The following ANKRD35 variants were observed in gnomAD, a reference collection of about 807,000 sequenced individuals.
ANKRD35 encodes ankyrin repeat domain-containing protein 35.
ANKRD35 carries 102 observed loss-of-function variants against 109.9 expected under a neutral mutation model. The ratio of observed to expected loss-of-function variants is 0.93; its 90% CI spans 0.79 to 1.09. The LOEUF is 1.09. Ranked by LOEUF, ANKRD35 falls within the 50% of genes least tolerant of loss-of-function variation. The pLI, the probability that ANKRD35 is intolerant of heterozygous loss-of-function variation, is 0.00. For missense variants in ANKRD35, 1,240 were observed against 1,230.1 expected (o/e 1.01, Z -0.12); for synonymous variants, 515 against 512.4 (o/e 1.01, Z -0.07).
At chr1:145,868,267 G>A (rs1653677479) in intron 11 of ANKRD35, 44 bp downstream of exon 11, 3 of 1,590,102 alleles carry the variant, frequency 1.9e-6, no homozygotes, top group Middle Eastern at 1.7e-4. Flanking sequence ...CACTTCCACT[G>A]CTGACCTTCT....
chr1:145,867,445 A>C (rs587674708), intron 12 of ANKRD35, 53 bp from the exon 13 acceptor site: 1 of 1,518,324 alleles, frequency 6.6e-7, no homozygotes, highest in East Asian at 2.3e-5. Context: ...AAATGGAGAG[A>C]GAGAGGTGAG....
At position 145,867,933 on chromosome 1, in the gene ANKRD35, G is replaced by A. The variant is rs1653666587; in HGVS notation, c.2943+58C>T. On this transcript the variant is annotated intron_variant, in intron 12 of 13. Transcript: ENST00000355594. The stretch of plus-strand genomic sequence containing the variant: ...TGGAGAAGAGAGAGGGACCCTAAAT[G>A]CAATACCCTATACTCAGCTTTATGT... 5 of 1,543,300 alleles carry A rather than the reference G, an allele frequency of 3.2e-6. No homozygotes were observed. In the East Asian group the frequency reaches 1.1e-4, roughly 35 times the overall value.
At chr1:145,880,512 A>C (rs1010608436) in intron 1 of ANKRD35, among the ~76,000 whole-genome samples, 3 of 152,216 alleles carry the variant, frequency 2.0e-5, no homozygotes, top group Non-Finnish European at 4.4e-5. Flanking sequence ...TGCTGTGACT[A>C]TTAAACAAGC....
intron 12 of ANKRD35, 127 bp from the exon 13 acceptor site, chr1:145,867,519 A>C (rs1653652437): frequency 2.7e-6 from 2 of 736,264 alleles, no homozygotes; most frequent in African/African-American, 1.8e-5. Context: ...TATAGTATTT[A>C]ACTTCTCCAT....
chr1:145,881,949 CTTT>C (rs782253954), intron 1 of ANKRD35, among the ~76,000 whole-genome samples: 1,822 of 104,486 alleles, frequency 0.017, 22 homozygotes, highest in African/African-American at 0.059. Flanking sequence ...CTTTCCCCTT[CTTT>C]TTTTTTTTTT....
intron 1 of ANKRD35, among the ~76,000 whole-genome samples, chr1:145,882,125 T>C (rs1255588986): frequency 6.6e-6 from 1 of 151,184 alleles, no homozygotes; most frequent in Admixed American, 6.6e-5. Flanking sequence ...CGGATAATTT[T>C]TTGTATTTTT....
rs1553738936 is a variant in ANKRD35 at position 145,872,465 on chromosome 1, G to T, written c.2304C>A (p.Gly768=). 6.2e-7 allele frequency: 1 copy of T among 1,602,808 alleles called. No individual in the cohort carries two copies. Among genetic ancestry groups the T allele is most frequent in the South Asian group, 1.1e-5 (1 of 89,506 alleles). The change falls in exon 10 of 14, where the codon GGC becomes GGA. Residue 768 remains glycine, a synonymous_variant. Coordinates refer to ENST00000355594, the MANE Select transcript of ANKRD35 (RefSeq NM_144698.5). ...RGSLSPCREP[G]TSLKAPASPQ... ...GGGATGCTGGGGCCTTTAAGGAGGT[G>T]CCTGGCTCCCTACACGGGGACAAGG...
At position 145,872,335 on chromosome 1, in the gene ANKRD35, G is replaced by A. The variant is rs1653860565; in HGVS notation, c.2434C>T (p.Gln812Ter). The A allele has an allele frequency of 6.2e-7, 1 of 1,612,908 alleles. No homozygotes were observed. The highest frequency in any genetic ancestry group is 1.3e-5 in the African/African-American group (1 of 75,038). The change falls in exon 10 of 14, where the codon CAG becomes TAG. Residue 812 changes from glutamine (Q) to a stop codon, truncating the protein, a stop_gained. Transcript: ENST00000355594. LOFTEE classifies it high-confidence loss of function. ...GKSQEIGKLK[Q>*]LLYQATEEVA... ...TCCTCTGTGGCTTGGTAGAGCAGCTGCTTCAGCTTTCCGATCTCCTGGCTC... is the reference window on the plus strand; with the variant it reads ...TCCTCTGTGGCTTGGTAGAGCAGCTACTTCAGCTTTCCGATCTCCTGGCTC...
At chr1:145,868,079 A>AGTCACAT (rs782465493) in intron 11 of ANKRD35, 23 bp from the exon 12 acceptor site, 1 of 1,611,512 alleles carries the variant, frequency 6.2e-7, no homozygotes, top group Admixed American at 1.7e-5. Flanking sequence ...ATCAATGGGA[A>AGTCACAT]GTCACATGTC....
rs1432967329 is a variant in ANKRD35 at position 145,872,692 on chromosome 1, G to A, written c.2077C>T (p.Leu693Phe). The A allele has an allele frequency of 2.5e-6, 4 of 1,614,030 alleles. No individual in the cohort carries two copies. The highest frequency in any genetic ancestry group is 3.4e-6 in the Non-Finnish European group (4 of 1,180,030). The stretch of plus-strand genomic sequence containing the variant: ...AGACCGCTGCTCTGGGAGGCCAGGA[G>A]CTTCCGCAGCTTCTCTGTGGCCTCC... ...EKEATEKLRK[L>F]LASQSSGLRG... The change falls in exon 10 of 14, where the codon CTC becomes TTC. Residue 693 changes from leucine to phenylalanine, a missense_variant. Transcript: ENST00000355594.
intron 4 of ANKRD35, among the ~76,000 whole-genome samples, chr1:145,877,349 C>A (rs782053284): frequency 2.6e-5 from 4 of 151,732 alleles, no homozygotes; most frequent in Non-Finnish European, 5.9e-5. Flanking sequence ...TCTCCTGCCT[C>A]AGCCTCCCGA....
chr1:145,873,042 C>A lies in ANKRD35; in HGVS notation c.1727G>T (p.Gly576Val). The part of the protein sequence containing the change: ...SREGALKAAP[G>V]SIKQDEEKEK... The stretch of plus-strand genomic sequence containing the variant: ...CTTCTCTTCATCCTGTTTGATGCTC[C>A]CTGGGGCTGCCTTTAGGGCTCCCTC... Residue 576 changes from glycine (G) to valine (V), a missense_variant, in exon 10 of 14, where the codon GGG becomes GTG. By Grantham distance (109) the Gly-to-Val change is moderately radical. Coordinates refer to ENST00000355594, the MANE Select transcript of ANKRD35 (RefSeq NM_144698.5). 1 of 1,611,740 alleles carries A rather than the reference C, an allele frequency of 6.2e-7. No individual in the cohort carries two copies.
chr1:145,867,297 C>T lies in ANKRD35; in HGVS notation c.*33G>A. ...TAACCCACAACTCACAACAGAGAATCTCGTATCCCTGAGGGCACACAGTGA... is the reference window on the plus strand; with the variant it reads ...TAACCCACAACTCACAACAGAGAATTTCGTATCCCTGAGGGCACACAGTGA... On this transcript the variant is annotated 3_prime_UTR_variant, in exon 13 of 14. Coordinates refer to ENST00000355594, the MANE Select transcript of ANKRD35 (RefSeq NM_144698.5). The T allele has an allele frequency of 6.2e-7, 1 of 1,603,952 alleles. No individual in the cohort carries two copies. The highest frequency in any genetic ancestry group is 8.5e-7 in the Non-Finnish European group (1 of 1,171,018).
At chr1:145,875,040 C>G (rs782360776) in intron 7 of ANKRD35, 34 bp from the exon 8 acceptor site, 1 of 1,546,082 alleles carries the variant, frequency 6.5e-7, no homozygotes, top group Non-Finnish European at 8.7e-7. Context: ...CACAGACTTT[C>G]CACATGGAAC....
chr1:145,867,698 C>T (rs773200042), intron 12 of ANKRD35, among the ~76,000 whole-genome samples: 12 of 152,098 alleles, frequency 7.9e-5, no homozygotes, highest in Non-Finnish European at 1.8e-4. Context: ...CCTCTTCTTC[C>T]TTGTTTAGGA....
chr1:145,876,457 G>A lies in ANKRD35; in HGVS notation c.453+112C>T. The A allele has an allele frequency of 1.5e-6, 2 of 1,299,300 alleles. 1 individual carries two copies. Among genetic ancestry groups the A allele is most frequent in the South Asian group, 2.5e-5 (2 of 80,470 alleles). 80.5% of individuals were successfully genotyped at this position (1,299,300 alleles called of 1,614,324 possible). On this transcript the variant is annotated intron_variant, in intron 6 of 13. Coordinates refer to ENST00000355594, the MANE Select transcript of ANKRD35 (RefSeq NM_144698.5). ...AGAGGAGAAGCAGGAGGAGAAGGAAGAGAAGGGTGGTGCTAACACAGCCCT... is the reference window on the plus strand; with the variant it reads ...AGAGGAGAAGCAGGAGGAGAAGGAAAAGAAGGGTGGTGCTAACACAGCCCT...
In ANKRD35 at chr1:145,872,192, C is replaced by G; in HGVS notation, c.2577G>C (p.Lys859Asn). Residue 859 changes from lysine to asparagine, a missense_variant, in exon 10 of 14, where the codon AAG becomes AAC. Lys to Asn is a moderately conservative substitution (Grantham distance 94, BLOSUM62 0). Coordinates refer to ENST00000355594, the MANE Select transcript of ANKRD35 (RefSeq NM_144698.5). ...CCACTTCCCGGCAGGCCGTATTATA[C>G]TTTTCCAACAGAGCCTTTAGCTCCT... ...WGQELKALLEKYNTACREVGR... is the reference protein window; with the variant it reads ...WGQELKALLENYNTACREVGR... 6.2e-7 allele frequency: 1 copy of G among 1,610,100 alleles called. No homozygotes were observed. The highest frequency in any genetic ancestry group is 1.1e-5 in the South Asian group (1 of 90,754).
chr1:145,878,367 G>C (rs1553740517), intron 3 of ANKRD35, 24 bp downstream of exon 3: 1 of 1,554,312 alleles, frequency 6.4e-7, no homozygotes, highest in South Asian at 1.2e-5. Context: ...CAAGCAGCGT[G>C]GCCCAGTGCT....
intron 4 of ANKRD35, 143 bp from the exon 5 acceptor site, chr1:145,877,016 C>G: frequency 1.3e-6 from 1 of 752,526 alleles, no homozygotes. Flanking sequence ...TAGGCAAGCC[C>G]AGTTCATCCA....
Sources: gnomAD v4.1 joint callset for allele counts (sites outside exome capture counted in the v4.1 genomes callset) on GRCh38, gnomAD v4.1.1 for gene constraint, MANE v1.5 for transcripts, NCBI Gene and HGNC (gene_info 2026-07-23, HGNC 2026-07-21) for gene names.